The following TENM2 variants were observed in gnomAD, a reference collection of about 807,000 sequenced individuals.
TENM2 encodes the protein teneurin-2.
TENM2 carries 52 observed loss-of-function variants against 245.2 expected under a neutral mutation model. That is an observed-to-expected ratio of 0.21 (90% CI 0.17 to 0.27). The LOEUF (loss-of-function observed/expected upper bound fraction) is 0.27, where lower values mean the gene tolerates loss of function less well. Ranked by LOEUF, TENM2 falls within the 10% of genes least tolerant of loss-of-function variation. The probability of loss-of-function intolerance (pLI) is 1.00; values close to 1 mark genes in which losing one functional copy is unlikely to be tolerated. For synonymous variants in TENM2, 1,363 were observed against 1,438.9 expected, an observed-to-expected ratio of 0.95 and a Z score of 1.19; for missense variants, 3,046 against 3,666.8, an observed-to-expected ratio of 0.83 and a Z score of 4.37.
At chr5:167,938,085 C>T (rs1778875943) in intron 3 of TENM2, 1 of 152,172 alleles carries the variant, frequency 6.6e-6, no homozygotes, top group South Asian at 2.1e-4. Context: ...TTGCCATGCT[C>T]TATTATCTAG....
At chr5:167,338,840 C>G (rs760038234) in intron 1 of TENM2, among the ~76,000 whole-genome samples, 3 of 152,144 alleles carry the variant, frequency 2.0e-5, no homozygotes, top group Middle Eastern at 3.2e-3. Flanking sequence ...CAGATGGCCC[C>G]GCTTTTGTTG....
At chr5:167,361,047 G>T (rs942308843) in intron 1 of TENM2, among the ~76,000 whole-genome samples, 1 of 152,146 alleles carries the variant, frequency 6.6e-6, no homozygotes, top group Admixed American at 6.5e-5. Context: ...AAAGACATAC[G>T]AATGGGGGTA....
At chr5:167,817,626 T>C (rs1767164014) in intron 2 of TENM2, among the ~76,000 whole-genome samples, 1 of 152,034 alleles carries the variant, frequency 6.6e-6, no homozygotes, top group African/African-American at 2.4e-5. Context: ...AAAATCAAAA[T>C]TTAAAGCAAT....
At chr5:167,623,200 C>G (rs748919393) in intron 2 of TENM2, among the ~76,000 whole-genome samples, 1 of 151,854 alleles carries the variant, frequency 6.6e-6, no homozygotes, top group Non-Finnish European at 1.5e-5. Context: ...AATAAGTCCC[C>G]CTCCTCTGAA....
chr5:167,332,404 T>C (rs186925883), intron 1 of TENM2, among the ~76,000 whole-genome samples: 4 of 152,246 alleles, frequency 2.6e-5, no homozygotes, highest in Admixed American at 2.6e-4. Context: ...GCCTCTGAAC[T>C]ACAGTTGGAT....
intron 1 of TENM2, among the ~76,000 whole-genome samples, chr5:167,289,814 T>A (rs923976466): frequency 1.3e-5 from 2 of 152,240 alleles, no homozygotes; most frequent in Non-Finnish European, 2.9e-5. Context: ...CTTTGGAAAT[T>A]GTAAATATTT....
the TENM2 span, among the ~76,000 whole-genome samples, chr5:167,219,131 G>T: frequency 6.6e-6 from 1 of 152,146 alleles, no homozygotes; most frequent in East Asian, 1.9e-4. Flanking sequence ...CAAGTCCTCA[G>T]CCAATAGTAA....
chr5:167,363,809 A>T (rs1400313505), intron 1 of TENM2, among the ~76,000 whole-genome samples: 3 of 151,918 alleles, frequency 2.0e-5, no homozygotes, highest in African/African-American at 7.2e-5. Context: ...GAGCAAGTCC[A>T]TAAATAATTG....
At chr5:168,200,152 C>T (rs1562273836) in intron 17 of TENM2, 21 bp downstream of exon 19, 3 of 1,602,654 alleles carry the variant, frequency 1.9e-6, no homozygotes, top group Non-Finnish European at 2.6e-6. Context: ...GTTTCAACCA[C>T]TTATTGATCA....
intron 2 of TENM2, among the ~76,000 whole-genome samples, chr5:167,435,164 G>T (rs1764472648): frequency 6.6e-6 from 1 of 152,152 alleles, no homozygotes; most frequent in Admixed American, 6.5e-5. Flanking sequence ...GGGGGGGAAA[G>T]GAATAATGTA....
chr5:167,099,051 G>A, the TENM2 span, among the ~76,000 whole-genome samples: 1 of 152,134 alleles, frequency 6.6e-6, no homozygotes, highest in Non-Finnish European at 1.5e-5. Context: ...AAAATATGTA[G>A]TTTTTTAAAT....
chr5:167,279,514 T>TTTCA, the TENM2 span, among the ~76,000 whole-genome samples: 5 of 98,212 alleles, frequency 5.1e-5, no homozygotes, highest in African/African-American at 1.8e-4. Flanking sequence ...CCTTCCTTCC[T>TTTCA]TTCCTTCCTT....
intron 8 of TENM2, among the ~76,000 whole-genome samples, chr5:168,097,352 A>G (rs1447638886): frequency 6.6e-6 from 1 of 152,170 alleles, no homozygotes. Context: ...AAACTTGTCA[A>G]CATTTAAACG....
At chr5:168,237,510 C>G (rs1481803410) in intron 25 of TENM2, among the ~76,000 whole-genome samples, 1 of 152,026 alleles carries the variant, frequency 6.6e-6, no homozygotes, top group Non-Finnish European at 1.5e-5. Flanking sequence ...CAGGCTATTA[C>G]AGATGAGGAA....
chr5:167,103,581 T>C, the TENM2 span, among the ~76,000 whole-genome samples: 1 of 152,236 alleles, frequency 6.6e-6, no homozygotes, highest in African/African-American at 2.4e-5. Context: ...TTTACATCAC[T>C]ACTGTCTTAG....
intron 2 of TENM2, among the ~76,000 whole-genome samples, chr5:167,862,773 A>G (rs974818881): frequency 6.6e-6 from 1 of 152,204 alleles, no homozygotes; most frequent in African/African-American, 2.4e-5. Flanking sequence ...GGTGAGGAAG[A>G]TGCAATTCGG....
At chr5:167,433,272 A>G (rs1042578824) in intron 2 of TENM2, among the ~76,000 whole-genome samples, 6 of 152,144 alleles carry the variant, frequency 3.9e-5, no homozygotes, top group Non-Finnish European at 8.8e-5. Context: ...TATCGTGGCC[A>G]TGTTCTACAA....
chr5:167,571,657 G>A (rs1259265219), intron 2 of TENM2, among the ~76,000 whole-genome samples: 2 of 152,072 alleles, frequency 1.3e-5, no homozygotes, highest in Non-Finnish European at 2.9e-5. Flanking sequence ...CTCTCCTTTT[G>A]TCTGCTTTGG....
At chr5:168,016,280 C>T (rs1451614350) in intron 5 of TENM2, among the ~76,000 whole-genome samples, 1 of 152,192 alleles carries the variant, frequency 6.6e-6, no homozygotes, top group Non-Finnish European at 1.5e-5. Context: ...AACACCCGTG[C>T]ACTGAACCAT....
Sources: allele counts gnomAD v4.1 joint callset (sites outside exome capture counted in the v4.1 genomes callset), GRCh38; gene constraint gnomAD v4.1.1; transcripts MANE v1.5; gene names NCBI Gene and HGNC (gene_info 2026-07-23, HGNC 2026-07-21).